ZNF195: variants seen among roughly 807,000 people sequenced by gnomAD.
ZNF195 encodes zinc finger protein 195.
Under a neutral mutation model 19.5 loss-of-function variants are expected in ZNF195, and 11 were observed. The observed-to-expected ratio is 0.57, with a 90% confidence interval of 0.36 to 0.94. The LOEUF (loss-of-function observed/expected upper bound fraction) is 0.94. Among genes scored for constraint, ZNF195 ranks in the 40% least tolerant of loss-of-function variants. The pLI is 0.01. For synonymous variants in ZNF195, 214 were observed against 248.1 expected, an observed-to-expected ratio of 0.86 and a Z score of 1.29; for missense variants, 582 against 709.0, an observed-to-expected ratio of 0.82 and a Z score of 2.03.
At position 3,359,148 on chromosome 11, in the gene ZNF195, G is replaced by A. The variant is rs1443377877; in HGVS notation, c.1860C>T (p.His620=). The A allele has an allele frequency of 1.3e-6, 2 of 1,596,858 alleles. No individual in the cohort carries two copies. The highest frequency in any genetic ancestry group is 1.1e-5 in the South Asian group (1 of 88,256). The change falls in exon 6 of 6, where the codon CAC becomes CAT. Residue 620 remains histidine (H), a synonymous_variant. Coordinates refer to ENST00000399602, the MANE Select transcript of ZNF195 (RefSeq NM_001130520.3). This position sits in a 1 kb window ranked among gnomAD's most constrained non-coding sequence, Gnocchi z 5.5. The part of the protein sequence containing the change: ...KCGKAFTQFS[H]LTVHESIHT ...TATGAATGCTTTCATGTACAGTCAG[G>A]TGTGAGAACTGGGTGAAGGCTTTGC...
At position 3,360,574 on chromosome 11, in the gene ZNF195, A is replaced by G. The variant is rs202148590; in HGVS notation, c.443-9T>C. 6.4e-7 allele frequency: 1 copy of G among 1,556,132 alleles called. No homozygotes were observed. The highest frequency in any genetic ancestry group is 8.6e-7 in the Non-Finnish European group (1 of 1,157,372). On this transcript the variant is annotated splice_polypyrimidine_tract_variant and intron_variant, in intron 5 of 5. Transcript: ENST00000399602. Reference sequence around the variant, plus strand: ...AAAATGAGAAGACATAGCTGAAAAAAAAAAAAAAAGTTATCCGACTTACTA... The same window carrying G: ...AAAATGAGAAGACATAGCTGAAAAAGAAAAAAAAAGTTATCCGACTTACTA...
At chr11:3,373,708 C>G in intron 1 of ZNF195, 1 of 1,340,580 alleles carries the variant, frequency 7.5e-7, no homozygotes, top group Non-Finnish European at 1.0e-6. Context: ...CCTTCACCTG[C>G]TACCACCACA....
chr11:3,362,582 TG>T, intron 3 of ZNF195: 1 of 600,380 alleles, frequency 1.7e-6, no homozygotes. Context: ...ATAATTTCCA[TG>T]GTAACCACAA....
At position 3,361,053 on chromosome 11, in the gene ZNF195, G is replaced by A. The variant is rs1848611519; in HGVS notation, c.374-265C>T. Among the ~76,000 whole-genome samples, 4 of 152,324 alleles carry A rather than the reference G, an allele frequency of 2.6e-5. No individual in the cohort carries two copies. The South Asian group carries it at 8.3e-4, about 32-fold the overall frequency. On this transcript the variant is annotated intron_variant, in intron 4 of 5. Coordinates refer to ENST00000399602, the MANE Select transcript of ZNF195 (RefSeq NM_001130520.3). ...AGGCTGGGTCTGCTGAGACCGAAAG[G>A]AAATACCCATGACAGCGGTAGGAAG...
rs34558476 is a variant in ZNF195, at chr11:3,366,671, T to TAA, written c.226+4302_226+4303dup. Reference sequence around the variant, plus strand: ...CTCACACCTATTAGAATGGCCACAGTAAAAAAAAAAAATCCAGACCTGTCA... The same window carrying TAA: ...CTCACACCTATTAGAATGGCCACAGTAAAAAAAAAAAAAATCCAGACCTGTCA... On this transcript the variant is annotated intron_variant, in intron 3 of 5. Coordinates refer to ENST00000399602, the MANE Select transcript of ZNF195 (RefSeq NM_001130520.3). The TAA allele has an allele frequency of 5.2e-3, 811 of 157,050 alleles. 3 individuals are homozygous for TAA. Among genetic ancestry groups the TAA allele is most frequent in the African/African-American group, 0.011 (438 of 40,632 alleles). 9.7% of individuals were successfully genotyped at this position (157,050 alleles called of 1,614,324 possible). A position where few individuals can be genotyped will look rare whatever the true frequency, so the allele number is the denominator to read the frequency against.
intron 3 of ZNF195, chr11:3,369,637 CAAAG>C (rs1849084036): frequency 3.2e-6 from 1 of 310,544 alleles, no homozygotes; most frequent in African/African-American, 2.2e-5. Context: ...AGCCAGGCCC[CAAAG>C]ACAGAGACTG....
intron 1 of ZNF195, 148 bp from the exon 2 acceptor site, chr11:3,371,851 G>C (rs1849228872): frequency 1.0e-6 from 1 of 972,174 alleles, no homozygotes; most frequent in African/African-American, 1.6e-5. Flanking sequence ...TGAGGAAAGA[G>C]AATTGCCTGA....
In ZNF195 at chr11:3,360,522, G is replaced by C; in HGVS notation, c.486C>G (p.Gly162=). ...TTCTTTTTGGGAATGCATCTTGTAT[G>C]CCCTGCTCTGGCAGAAGGTCTTGGG... ...HFTQDLLPEQ[G]IQDAFPKRIL... is the part of the protein sequence containing the mutation. The change falls in exon 6 of 6, where the codon GGC becomes GGG. Residue 162 remains glycine, a synonymous_variant. Transcript: ENST00000399602. 6.3e-7 allele frequency: 1 copy of C among 1,597,644 alleles called. No homozygotes were observed. Among genetic ancestry groups the C allele is most frequent in the East Asian group, 2.2e-5 (1 of 44,670 alleles).
chr11:3,364,435 T>C (rs1848769624), intron 3 of ZNF195, among the ~76,000 whole-genome samples: 1 of 152,094 alleles, frequency 6.6e-6, no homozygotes, highest in Non-Finnish European at 1.5e-5. Context: ...ACTATCATAA[T>C]GATGGTGTAA....
intron 3 of ZNF195, among the ~76,000 whole-genome samples, chr11:3,365,537 T>C (rs1848836486): frequency 6.6e-6 from 1 of 152,248 alleles, no homozygotes; most frequent in African/African-American, 2.4e-5. Flanking sequence ...TCAGATAATT[T>C]AGTTTTTTAA....
chr11:3,366,124 C>T (rs1283802010), intron 3 of ZNF195, among the ~76,000 whole-genome samples: 3 of 150,924 alleles, frequency 2.0e-5, no homozygotes, highest in Non-Finnish European at 4.4e-5. Context: ...ATGAGCCGGG[C>T]GTGGTGGCGG....
At chr11:3,378,640 C>T (rs1377302485) in intron 1 of ZNF195, among the ~76,000 whole-genome samples, 1 of 152,236 alleles carries the variant, frequency 6.6e-6, no homozygotes, top group Non-Finnish European at 1.5e-5. Flanking sequence ...TGGTTGGGTC[C>T]TCTGCCATTC....
chr11:3,364,550 G>C (rs577885880), intron 3 of ZNF195, among the ~76,000 whole-genome samples: 1 of 148,240 alleles, frequency 6.7e-6, no homozygotes, highest in South Asian at 2.3e-4. Flanking sequence ...ACACTGGAGG[G>C]TGTTACAGTT....
At chr11:3,369,837 T>C (rs189100749) in intron 3 of ZNF195, among the ~76,000 whole-genome samples, 1 of 152,374 alleles carries the variant, frequency 6.6e-6, no homozygotes, top group East Asian at 1.9e-4. Flanking sequence ...AATAATCTTT[T>C]GTATGCTTAA....
Position 3,358,781 on chromosome 11 carries a change from A to AT in ZNF195, c.*336dup. ...GAACGTGTCCTTGCTTATTTTTCCC[A>AT]TTTAGTGTATTTGCAAAATATCTTT... On this transcript the variant is annotated 3_prime_UTR_variant, in exon 6 of 6. Coordinates refer to ENST00000399602, the MANE Select transcript of ZNF195 (RefSeq NM_001130520.3). The AT allele has an allele frequency of 6.2e-5, 1 of 16,056 alleles. No individual in the cohort carries two copies. The highest frequency in any genetic ancestry group is 1.0e-4 in the Non-Finnish European group (1 of 9,924). 1.0% of individuals were successfully genotyped at this position (16,056 alleles called of 1,614,324 possible).
intron 3 of ZNF195, among the ~76,000 whole-genome samples, chr11:3,366,023 C>T (rs893582639): frequency 6.6e-6 from 1 of 151,808 alleles, no homozygotes; most frequent in Non-Finnish European, 1.5e-5. Context: ...TTTGGGAGGC[C>T]GAGGCGGGTG....
chr11:3,370,863 A>G, intron 3 of ZNF195, 112 bp downstream of exon 3: 1 of 1,007,362 alleles, frequency 9.9e-7, no homozygotes, highest in Non-Finnish European at 1.5e-6. Context: ...CCAGGCTCTC[A>G]GAAACCATCT....
intron 3 of ZNF195, chr11:3,366,603 A>C (rs1485049369): frequency 6.5e-6 from 1 of 153,344 alleles, no homozygotes; most frequent in Non-Finnish European, 1.5e-5. Context: ...CAAATTACTT[A>C]TCTATAGAGA....
intron 1 of ZNF195, among the ~76,000 whole-genome samples, chr11:3,373,185 T>C (rs1849300492): frequency 6.6e-6 from 1 of 152,252 alleles, no homozygotes; most frequent in Admixed American, 6.5e-5. Flanking sequence ...CTGTTCTGCA[T>C]GCAGCTTATG....
Sources: gnomAD v4.1 joint callset for allele counts (sites outside exome capture counted in the v4.1 genomes callset) on GRCh38, gnomAD v4.1.1 for gene constraint, Gnocchi (gnomAD v3.1) non-coding constraint, MANE v1.5 for transcripts, NCBI Gene and HGNC (gene_info 2026-07-23, HGNC 2026-07-21) for gene names.